The following NPLOC4 variants were observed in gnomAD, a reference collection of about 807,000 sequenced individuals.
NPLOC4 encodes the protein NPL4 homolog, ubiquitin recognition factor, also known as nuclear protein localization protein 4 homolog.
Under a neutral mutation model 80.6 loss-of-function variants are expected in NPLOC4, and 18 were observed. The observed-to-expected ratio is 0.22, with a 90% confidence interval of 0.15 to 0.33. The LOEUF (loss-of-function observed/expected upper bound fraction) is 0.33. Among genes scored for constraint, NPLOC4 ranks in the 10% least tolerant of loss-of-function variants. The probability of loss-of-function intolerance (pLI) is 1.00; values close to 1 mark genes in which losing one functional copy is unlikely to be tolerated. For missense variants in NPLOC4, 540 were observed against 786.1 expected, an observed-to-expected ratio of 0.69 and a Z score of 3.74; for synonymous variants, 313 against 301.5, an observed-to-expected ratio of 1.04 and a Z score of -0.39.
intron 13 of NPLOC4, among the ~76,000 whole-genome samples, chr17:81,571,616 A>T (rs2034163036): frequency 6.6e-6 from 1 of 152,194 alleles, no homozygotes; most frequent in Admixed American, 6.5e-5. Flanking sequence ...GACAGCTGAC[A>T]GCCACACACC....
chr17:81,558,824 A>AG lies in NPLOC4; in HGVS notation c.*434dup, dbSNP rs2033738367. On this transcript the variant is annotated 3_prime_UTR_variant, in exon 17 of 17. Coordinates refer to ENST00000331134, the MANE Select transcript of NPLOC4 (RefSeq NM_017921.4). ...GTGCCTGCCACCAAGCAGTCAGACA[A>AG]GGGGGTAACCAAGAGCTCCCAGCCA... 2 of 154,876 alleles carry AG rather than the reference A, an allele frequency of 1.3e-5. No individual in the cohort carries two copies. Among genetic ancestry groups the AG allele is most frequent in the Admixed American group, 1.3e-4 (2 of 15,480 alleles). The allele number at this position is 154,876 out of a possible 1,614,324, so 9.6% of individuals were successfully genotyped here.
At chr17:81,581,269 A>G (rs2034429605) in intron 12 of NPLOC4, among the ~76,000 whole-genome samples, 1 of 146,156 alleles carries the variant, frequency 6.8e-6, no homozygotes, top group Non-Finnish European at 1.5e-5. Flanking sequence ...GGATTGCTTG[A>G]ACCTGGGAGG....
chr17:81,564,004 C>T (rs778188030), intron 16 of NPLOC4: 1 of 443,470 alleles, frequency 2.3e-6, no homozygotes, highest in Non-Finnish European at 4.5e-6. Flanking sequence ...TTGCTTCAAC[C>T]CAGGAGGCAG....
At chr17:81,576,228 A>T (rs2034296318) in intron 12 of NPLOC4, among the ~76,000 whole-genome samples, 1 of 152,272 alleles carries the variant, frequency 6.6e-6, no homozygotes, top group Non-Finnish European at 1.5e-5. Flanking sequence ...TATGGATCTC[A>T]AAATAAAATT....
intron 6 of NPLOC4, among the ~76,000 whole-genome samples, chr17:81,607,173 G>C (rs1016525550): frequency 1.3e-5 from 2 of 152,074 alleles, no homozygotes; most frequent in Non-Finnish European, 2.9e-5. Flanking sequence ...GGCTCCTACA[G>C]GTTTCATTAA....
intron 16 of NPLOC4, chr17:81,564,713 A>G (rs546369287): frequency 0.14 from 21,581 of 151,008 alleles, 1,832 homozygotes; most frequent in Admixed American, 0.23. Flanking sequence ...GTTTGAACCC[A>G]GGAGGTGGAG....
chr17:81,631,437 T>TATATATATATATATATATATATATA (rs200897859), intron 1 of NPLOC4, among the ~76,000 whole-genome samples: 42 of 42,900 alleles, frequency 9.8e-4, no homozygotes, highest in Non-Finnish European at 1.5e-3. Flanking sequence ...TATATATATA[T>TATATATATATATATATATATATATA]TTTTTTTTTT....
chr17:81,581,660 AAG>A (rs1000925867), intron 12 of NPLOC4, among the ~76,000 whole-genome samples: 1 of 152,212 alleles, frequency 6.6e-6, no homozygotes, highest in Non-Finnish European at 1.5e-5. Flanking sequence ...AGTCCATGGG[AAG>A]AGAGTATACT....
chr17:81,593,106 C>G (rs1429648660), intron 11 of NPLOC4, among the ~76,000 whole-genome samples: 1 of 152,230 alleles, frequency 6.6e-6, no homozygotes. Context: ...CCGCTACACA[C>G]TTGTGTAGGC....
At position 81,622,232 on chromosome 17, in the gene NPLOC4, A is replaced by G. The variant is rs758955791; in HGVS notation, c.143T>C (p.Ile48Thr). 5.0e-6 allele frequency: 8 copies of G among 1,613,816 alleles called. No homozygotes were observed. The highest frequency in any genetic ancestry group is 6.8e-6 in the Non-Finnish European group (8 of 1,179,846). ...TATCTCTCCGGTCTTGTTTCTATTGATGTAAACCGAGAAGCCATTATTTTG... is the reference window on the plus strand; with the variant it reads ...TATCTCTCCGGTCTTGTTTCTATTGGTGTAAACCGAGAAGCCATTATTTTG... ...GFQNNGFSVY[I>T]NRNKTGEITA... Residue 48 changes from isoleucine (I) to threonine (T), a missense_variant, in exon 3 of 17, where the codon ATC (isoleucine) becomes ACC (threonine). Coordinates refer to ENST00000331134, the MANE Select transcript of NPLOC4 (RefSeq NM_017921.4).
intron 1 of NPLOC4, among the ~76,000 whole-genome samples, chr17:81,631,437 T>TATATA (rs200897859): frequency 0.011 from 462 of 42,872 alleles, 5 homozygotes; most frequent in South Asian, 0.04. Flanking sequence ...TATATATATA[T>TATATA]TTTTTTTTTT....
intron 11 of NPLOC4, among the ~76,000 whole-genome samples, chr17:81,593,705 A>C (rs751692497): frequency 2.8e-4 from 42 of 151,824 alleles, no homozygotes; most frequent in Non-Finnish European, 4.7e-4. Flanking sequence ...GAAGAGTATG[A>C]CGACACTTTT....
rs777448979 is a variant in NPLOC4, at chr17:81,606,763, G to A, written c.582C>T (p.Cys194=). The A allele has an allele frequency of 1.7e-5, 27 of 1,613,498 alleles. No individual in the cohort carries two copies. Among genetic ancestry groups the A allele is most frequent in the Middle Eastern group, 3.3e-4 (2 of 5,986 alleles). Reference sequence around the variant, plus strand: ...CATTCGGCCACGGGAGGTGCCCCTCGCACCCTGACTTAATCTTGCAGCTGA... The same window carrying A: ...CATTCGGCCACGGGAGGTGCCCCTCACACCCTGACTTAATCTTGCAGCTGA... The part of the protein sequence containing the change: ...ENISCKIKSG[C]EGHLPWPNGI... Residue 194 remains cysteine (C), a synonymous_variant, in exon 7 of 17, where the codon TGC becomes TGT. Transcript: ENST00000331134.
Position 81,597,316 on chromosome 17 carries a change from C to G in NPLOC4, c.922G>C (p.Val308Leu). ...ACGAGGTCTGTAAATATCCAGCCAA[C>G]CTTAAAAAAAGGAAAGTAGCTTTTA... ...EIAAKLGLRK[V>L]GWIFTDLVSE... The change falls in exon 10 of 17, where the codon GTT (valine) becomes CTT (leucine). Residue 308 changes from valine to leucine, a missense_variant and splice_region_variant. By Grantham distance (32) the Val-to-Leu change is conservative. Coordinates refer to ENST00000331134, the MANE Select transcript of NPLOC4 (RefSeq NM_017921.4). 1 of 1,612,816 alleles carries G rather than the reference C, an allele frequency of 6.2e-7. No homozygotes were observed. Among genetic ancestry groups the G allele is most frequent in the Non-Finnish European group, 8.5e-7 (1 of 1,179,048 alleles).
At chr17:81,588,885 C>T in intron 12 of NPLOC4, 59 bp downstream of exon 12, 1 of 1,504,388 alleles carries the variant, frequency 6.6e-7, no homozygotes, top group Non-Finnish European at 9.1e-7. Flanking sequence ...TTAGAAAGGT[C>T]CAAGACAGGT....
chr17:81,613,244 G>A (rs1190384105), intron 4 of NPLOC4, 74 bp downstream of exon 4: 2 of 1,332,102 alleles, frequency 1.5e-6, no homozygotes, highest in Non-Finnish European at 1.0e-6. Context: ...AACAAGACAT[G>A]TTATAAATAT....
At chr17:81,594,640 T>C (rs2034846701) in intron 11 of NPLOC4, among the ~76,000 whole-genome samples, 1 of 151,952 alleles carries the variant, frequency 6.6e-6, no homozygotes. Flanking sequence ...CCGGGTATGC[T>C]GGCAGGCTCC....
chr17:81,586,057 G>A lies in NPLOC4; in HGVS notation c.1281+2887C>T, dbSNP rs773675656. Among the ~76,000 whole-genome samples, 20 of 152,238 alleles carry A rather than the reference G, an allele frequency of 1.3e-4. No homozygotes were observed. The East Asian group carries it at 3.9e-3, about 29-fold the overall frequency. ...CCCAGCACTCTGTGAGGCTGAGGTG[G>A]GTAGGTCACTTGAGATCAGGAGTTC... On this transcript the variant is annotated intron_variant, in intron 12 of 16. Coordinates refer to ENST00000331134, the MANE Select transcript of NPLOC4 (RefSeq NM_017921.4).
At chr17:81,594,274 C>CTAAAA (rs2034831184) in intron 11 of NPLOC4, among the ~76,000 whole-genome samples, 1 of 53,666 alleles carries the variant, frequency 1.9e-5, no homozygotes, top group Non-Finnish European at 2.9e-5. Flanking sequence ...GACTCCGTCT[C>CTAAAA]AAAAAAAAAA....
Sources: allele counts gnomAD v4.1 joint callset (sites outside exome capture counted in the v4.1 genomes callset), GRCh38; gene constraint gnomAD v4.1.1; transcripts MANE v1.5; gene names NCBI Gene and HGNC (gene_info 2026-07-23, HGNC 2026-07-21).